Variants in ZDHHC2 observed in about 807,000 individuals in gnomAD.
The protein encoded by ZDHHC2 is zDHHC palmitoyltransferase 2.
A neutral mutation model predicts 55.6 loss-of-function variants in ZDHHC2; 51 were observed. That is an observed-to-expected ratio of 0.92 (90% CI 0.73 to 1.16). The LOEUF is 1.16. Ranked by LOEUF, ZDHHC2 falls within the 50% of genes most tolerant of loss-of-function variation. The probability of loss-of-function intolerance (pLI) is 0.00; values close to 1 mark genes in which losing one functional copy is unlikely to be tolerated. For synonymous variants in ZDHHC2, 199 were observed against 152.9 expected (o/e 1.30, Z -2.22); for missense variants, 491 against 442.4 (o/e 1.11, Z -0.99).
intron 1 of ZDHHC2, among the ~76,000 whole-genome samples, chr8:17,167,714 A>C (rs1043552168): frequency 1.3e-5 from 2 of 152,198 alleles, no homozygotes; most frequent in African/African-American, 4.8e-5. Flanking sequence ...TGTAGAACTC[A>C]CTTGAAAATT....
In ZDHHC2 at chr8:17,224,126, C is replaced by T. The variant is rs532831533; in HGVS notation, c.*3905C>T. On this transcript the variant is annotated 3_prime_UTR_variant, in exon 13 of 13. Coordinates refer to ENST00000262096, the MANE Select transcript of ZDHHC2 (RefSeq NM_016353.5). ...TATCTAATAGCTCAATCACCAACAC[C>T]GCTGAGAATTGTTCTTATACCAGCA... 3.3e-5 allele frequency: 5 copies of T among 151,716 alleles called. No homozygotes were observed. Among genetic ancestry groups the T allele is most frequent in the East Asian group, 3.9e-4 (2 of 5,174 alleles). The allele number at this position is 151,716 out of a possible 1,614,324, so 9.4% of individuals were successfully genotyped here.
intron 6 of ZDHHC2, among the ~76,000 whole-genome samples, chr8:17,200,257 G>T (rs928371135): frequency 6.6e-6 from 1 of 152,124 alleles, no homozygotes; most frequent in Non-Finnish European, 1.5e-5. Flanking sequence ...GGGTAGTTTC[G>T]TTCAGCTCAC....
At chr8:17,202,738 C>T (rs56295536) in intron 6 of ZDHHC2, among the ~76,000 whole-genome samples, 103,174 of 144,638 alleles carry the variant, frequency 0.71, 38,689 homozygotes, top group Non-Finnish European at 0.86. Flanking sequence ...TATATATACA[C>T]ACACACACAC....
At chr8:17,175,792 A>T (rs1805098441) in intron 1 of ZDHHC2, among the ~76,000 whole-genome samples, 2 of 152,218 alleles carry the variant, frequency 1.3e-5, no homozygotes, top group Non-Finnish European at 2.9e-5. Flanking sequence ...CTAAGAGACG[A>T]ATAATGTATT....
chr8:17,216,722 T>G (rs1397285925), intron 11 of ZDHHC2, among the ~76,000 whole-genome samples: 1 of 152,156 alleles, frequency 6.6e-6, no homozygotes, highest in Non-Finnish European at 1.5e-5. Context: ...TTCGATTAAT[T>G]TTTTTGTTAG....
At chr8:17,175,565 C>G (rs1382919281) in intron 1 of ZDHHC2, among the ~76,000 whole-genome samples, 4 of 152,174 alleles carry the variant, frequency 2.6e-5, no homozygotes, top group Admixed American at 1.3e-4. Context: ...ATTTATCCTC[C>G]ATATTTGATG....
chr8:17,224,186 CAGAAGACACTTT>C lies in ZDHHC2; in HGVS notation c.*3966_*3977del, dbSNP rs1436360982. ...AATACAATAACCTGGGCAATGCCAA[CAGAAGACACTTT>C]TAATCATTTGCAGACCTTTCTTGTT... On this transcript the variant is annotated 3_prime_UTR_variant, in exon 13 of 13. Coordinates refer to ENST00000262096, the MANE Select transcript of ZDHHC2 (RefSeq NM_016353.5). The C allele has an allele frequency of 1.3e-5, 2 of 151,690 alleles. No individual in the cohort carries two copies. Among genetic ancestry groups the C allele is most frequent in the Non-Finnish European group, 3.0e-5 (2 of 67,688 alleles). The allele number at this position is 151,690 out of a possible 1,614,324, so 9.4% of individuals were successfully genotyped here. A position where few individuals can be genotyped will look rare whatever the true frequency, so the allele number is the denominator to read the frequency against.
intron 7 of ZDHHC2, among the ~76,000 whole-genome samples, chr8:17,206,501 G>A (rs939911085): frequency 3.3e-5 from 5 of 152,072 alleles, no homozygotes; most frequent in Admixed American, 3.3e-4. Context: ...TAAAAAATAA[G>A]TACTGCAAAT....
chr8:17,179,880 T>C (rs921850850), intron 1 of ZDHHC2, among the ~76,000 whole-genome samples: 7 of 152,222 alleles, frequency 4.6e-5, no homozygotes, highest in Admixed American at 2.0e-4. Flanking sequence ...TGGAGGTATA[T>C]TGGAAGATTA....
In ZDHHC2 at chr8:17,185,152, G is replaced by A. The variant is rs187298776; in HGVS notation, c.157+337G>A. On this transcript the variant is annotated intron_variant, in intron 2 of 12. Coordinates refer to ENST00000262096, the MANE Select transcript of ZDHHC2 (RefSeq NM_016353.5). ...TTGTTGGCTTTAGTCATCTCACACC[G>A]ATTTAAGTGCCTTATTGAATAATTC... Among the ~76,000 whole-genome samples, 1,484 of 152,240 alleles carry A rather than the reference G, an allele frequency of 9.7e-3. 20 individuals carry two copies. Among genetic ancestry groups the A allele is most frequent in the African/African-American group, 0.032 (1,343 of 41,524 alleles).
chr8:17,199,574 GTCT>G (rs371326655), intron 6 of ZDHHC2, among the ~76,000 whole-genome samples: 510 of 37,704 alleles, frequency 0.014, 20 homozygotes, highest in Non-Finnish European at 0.034. Context: ...CTTCGTCTTT[GTCT>G]TCTTCTTCTT....
intron 3 of ZDHHC2, among the ~76,000 whole-genome samples, chr8:17,192,577 T>C (rs903960598): frequency 6.6e-5 from 10 of 152,212 alleles, no homozygotes; most frequent in Non-Finnish European, 5.9e-5. Context: ...GTGGGTTGTG[T>C]CTTCTCTTGG....
chr8:17,213,500 G>T (rs1480578684), intron 10 of ZDHHC2, among the ~76,000 whole-genome samples: 2 of 152,124 alleles, frequency 1.3e-5, no homozygotes, highest in Non-Finnish European at 2.9e-5. Context: ...TGATCCACCT[G>T]CCTCAGCTTC....
chr8:17,206,078 T>A (rs1210905235), intron 7 of ZDHHC2, among the ~76,000 whole-genome samples: 1 of 152,206 alleles, frequency 6.6e-6, no homozygotes, highest in Non-Finnish European at 1.5e-5. Flanking sequence ...TTGCTTCAGC[T>A]CTCATACTAT....
chr8:17,167,939 C>A (rs781357762), intron 1 of ZDHHC2, among the ~76,000 whole-genome samples: 79 of 152,248 alleles, frequency 5.2e-4, no homozygotes, highest in Non-Finnish European at 7.9e-4. Context: ...AGATAATTAA[C>A]CCCCACCCGC....
intron 7 of ZDHHC2, among the ~76,000 whole-genome samples, chr8:17,206,337 A>G (rs1807101504): frequency 6.6e-6 from 1 of 152,184 alleles, no homozygotes; most frequent in African/African-American, 2.4e-5. Context: ...TATATTAAAT[A>G]AGGTGCGTTT....
chr8:17,199,546 T>TGTCTTTGTCTTCTGTCTTCTGTCTTC (rs1806568723), intron 6 of ZDHHC2, among the ~76,000 whole-genome samples: 1 of 40,642 alleles, frequency 2.5e-5, no homozygotes, highest in Non-Finnish European at 6.1e-5. Flanking sequence ...CTTCGTCTTC[T>TGTCTTTGTCTTCTGTCTTCTGTCTTC]GTCTTCGTCT....
chr8:17,219,324 A>G (rs573319602), intron 12 of ZDHHC2, among the ~76,000 whole-genome samples: 5 of 151,592 alleles, frequency 3.3e-5, no homozygotes, highest in Non-Finnish European at 7.4e-5. Flanking sequence ...TTGAACTACA[A>G]TAGTAAATGA....
intron 6 of ZDHHC2, 49 bp from the exon 7 acceptor site, chr8:17,205,606 T>C (rs1264629572): frequency 1.3e-6 from 2 of 1,537,092 alleles, no homozygotes; most frequent in African/African-American, 1.4e-5. Flanking sequence ...TATGCACATG[T>C]AGGTTGAAGA....
Sources: allele counts gnomAD v4.1 joint callset (sites outside exome capture counted in the v4.1 genomes callset), GRCh38; gene constraint gnomAD v4.1.1; transcripts MANE v1.5; gene names NCBI Gene and HGNC (gene_info 2026-07-23, HGNC 2026-07-21).